The following PANK3 variants were observed in gnomAD, a reference collection of about 807,000 sequenced individuals.
PANK3 encodes pantothenate kinase 3.
Under a neutral mutation model 39.4 loss-of-function variants are expected in PANK3, and 20 were observed. That is an observed-to-expected ratio of 0.51 (90% CI 0.36 to 0.74). The LOEUF (loss-of-function observed/expected upper bound fraction) is 0.74, where lower values mean the gene tolerates loss of function less well. Ranked by LOEUF, PANK3 falls within the 30% of genes least tolerant of loss-of-function variation. PANK3 has a pLI of 0.00. For synonymous variants in PANK3, 140 were observed against 157.3 expected (o/e 0.89, Z 0.82); for missense variants, 265 against 437.0 (o/e 0.61, Z 3.51).
intron 5 of PANK3, chr5:168,561,046 CT>C: frequency 3.0e-6 from 1 of 335,994 alleles, no homozygotes; most frequent in Non-Finnish European, 6.6e-6. Flanking sequence ...GCATAGCTGC[CT>C]TCCAAATGCA....
chr5:168,549,917 T>G lies in PANK3; in HGVS notation c.*7654A>C, dbSNP rs1431954990. Reference sequence around the variant, plus strand: ...GGTGTGTGCCAACAAGCCTGGCTATTTTTTGTATTTTTAGTAGAGACATGG... The same window carrying G: ...GGTGTGTGCCAACAAGCCTGGCTATGTTTTGTATTTTTAGTAGAGACATGG... On this transcript the variant is annotated 3_prime_UTR_variant, in exon 7 of 7. Coordinates refer to ENST00000239231, the MANE Select transcript of PANK3 (RefSeq NM_024594.4). 2.6e-5 allele frequency: 4 copies of G among 152,162 alleles called. No homozygotes were observed. The highest frequency in any genetic ancestry group is 9.7e-5 in the African/African-American group (4 of 41,416). The allele number at this position is 152,162 out of a possible 1,614,324, so 9.4% of individuals were successfully genotyped here.
rs1050212128 is a variant in PANK3, at chr5:168,550,544, T to C, written c.*7027A>G. 5 of 152,210 alleles carry C rather than the reference T, an allele frequency of 3.3e-5. No individual in the cohort carries two copies. The highest frequency in any genetic ancestry group is 9.6e-5 in the African/African-American group (4 of 41,462). 9.4% of individuals were successfully genotyped at this position (152,210 alleles called of 1,614,324 possible). A position where few individuals can be genotyped will look rare whatever the true frequency, so the allele number is the denominator to read the frequency against. On this transcript the variant is annotated 3_prime_UTR_variant, in exon 7 of 7. Transcript: ENST00000239231. The stretch of plus-strand genomic sequence containing the variant: ...TTTAATATACATATAAAACCTTTCA[T>C]ATTACTTTAAGGTATATCTACCTGG...
rs1032117473 is a variant in PANK3, at chr5:168,554,908, T to G, written c.*2663A>C. ...TTTCATCACTGTACTTTGGTTAATG[T>G]GAACTATGATTCATATATTTTATCC... On this transcript the variant is annotated 3_prime_UTR_variant, in exon 7 of 7. Coordinates refer to ENST00000239231, the MANE Select transcript of PANK3 (RefSeq NM_024594.4). 2.6e-5 allele frequency: 4 copies of G among 152,226 alleles called. No individual in the cohort carries two copies. Among genetic ancestry groups the G allele is most frequent in the African/African-American group, 7.2e-5 (3 of 41,460 alleles). The allele number at this position is 152,226 out of a possible 1,614,324, so 9.4% of individuals were successfully genotyped here.
At chr5:168,578,635 A>G (rs149168126) in intron 1 of PANK3, 2 of 152,386 alleles carry the variant, frequency 1.3e-5, no homozygotes, top group East Asian at 1.9e-4. Flanking sequence ...GGTATTCACC[A>G]TAATATTAAT....
intron 1 of PANK3, among the ~76,000 whole-genome samples, chr5:168,578,196 C>A (rs188184160): frequency 2.0e-5 from 3 of 152,274 alleles, no homozygotes. Context: ...GGGCTAAGTT[C>A]AATTTCCTCA....
In PANK3 at chr5:168,577,592, G is replaced by T. The variant is rs141780814; in HGVS notation, c.28+1664C>A. Among the ~76,000 whole-genome samples the T allele has an allele frequency of 4.2e-3, 633 of 152,224 alleles. 5 individuals carry two copies. Among genetic ancestry groups the T allele is most frequent in the African/African-American group, 0.015 (605 of 41,526 alleles). On this transcript the variant is annotated intron_variant, in intron 1 of 6. Coordinates refer to ENST00000239231, the MANE Select transcript of PANK3 (RefSeq NM_024594.4). Reference sequence around the variant, plus strand: ...GGCCTCCAGCGATTCTCCCGCCTCGGCCTCTCAAAGTGCTGGGATTTCAGG... The same window carrying T: ...GGCCTCCAGCGATTCTCCCGCCTCGTCCTCTCAAAGTGCTGGGATTTCAGG...
intron 4 of PANK3, among the ~76,000 whole-genome samples, chr5:168,563,426 G>A (rs914019484): frequency 6.6e-6 from 1 of 152,108 alleles, no homozygotes; most frequent in Non-Finnish European, 1.5e-5. Flanking sequence ...TTCATTTACC[G>A]CTGGTGAGAG....
chr5:168,559,322 A>C (rs1341673039), intron 5 of PANK3, among the ~76,000 whole-genome samples, 165 bp from the exon 6 acceptor site: 5 of 152,204 alleles, frequency 3.3e-5, no homozygotes, highest in African/African-American at 1.2e-4. Context: ...TATAATCCTG[A>C]ATATTTAAAA....
At chr5:168,558,484 A>G (rs1001579704) in intron 6 of PANK3, among the ~76,000 whole-genome samples, 5 of 152,194 alleles carry the variant, frequency 3.3e-5, no homozygotes, top group Non-Finnish European at 7.3e-5. Context: ...AGCTTTTAAG[A>G]GCAGAATAAT....
intron 6 of PANK3, among the ~76,000 whole-genome samples, chr5:168,558,194 AGGCTGGAGT>A (rs1389554694): frequency 2.0e-4 from 27 of 137,618 alleles, no homozygotes; most frequent in African/African-American, 7.2e-4. Flanking sequence ...GCTATCACCC[AGGCTGGAGT>A]GGCTGGAGTG....
chr5:168,550,516 C>T lies in PANK3; in HGVS notation c.*7055G>A, dbSNP rs1369414860. 6.6e-6 allele frequency: 1 copy of T among 152,110 alleles called. No individual in the cohort carries two copies. The highest frequency in any genetic ancestry group is 2.4e-5 in the African/African-American group (1 of 41,428). 9.4% of individuals were successfully genotyped at this position (152,110 alleles called of 1,614,324 possible). On this transcript the variant is annotated 3_prime_UTR_variant, in exon 7 of 7. Coordinates refer to ENST00000239231, the MANE Select transcript of PANK3 (RefSeq NM_024594.4). ...ACCTTTACAGATTTAAAAGTACAAA[C>T]ATTTTAATATACATATAAAACCTTT...
In PANK3 at chr5:168,561,369, G is replaced by A. The variant is rs185132241; in HGVS notation, c.936+24C>T. Reference sequence around the variant, plus strand: ...CCAATTCACATTTTTGATAATTCAAGTTTTGTGTTTTTTGTTTTTTTACCT... The same window carrying A: ...CCAATTCACATTTTTGATAATTCAAATTTTGTGTTTTTTGTTTTTTTACCT... On this transcript the variant is annotated intron_variant, in intron 5 of 6. Coordinates refer to ENST00000239231, the MANE Select transcript of PANK3 (RefSeq NM_024594.4). 4,845 of 1,558,620 alleles carry A rather than the reference G, an allele frequency of 3.1e-3. 17 individuals are homozygous for A. Among genetic ancestry groups the A allele is most frequent in the Non-Finnish European group, 3.8e-3 (4,346 of 1,157,300 alleles).
intron 3 of PANK3, among the ~76,000 whole-genome samples, chr5:168,564,727 T>C (rs768623284): frequency 2.4e-4 from 37 of 152,198 alleles, no homozygotes; most frequent in Non-Finnish European, 4.9e-4. Context: ...TGAACTACCA[T>C]GCCCATCTTT....
intron 1 of PANK3, among the ~76,000 whole-genome samples, chr5:168,570,783 G>T (rs1759617226): frequency 6.6e-6 from 1 of 152,210 alleles, no homozygotes; most frequent in African/African-American, 2.4e-5. Flanking sequence ...GACGTTCTAA[G>T]TAAGAGAGTG....
chr5:168,561,503 T>C lies in PANK3; in HGVS notation c.826A>G (p.Ile276Val). Residue 276 changes from isoleucine (I) to valine (V), a missense_variant, in exon 5 of 7, where the codon ATT becomes GTT. This residue lies in a region of PANK3 where 110 missense variants were observed against 161.2 expected (regional missense o/e 0.68). Coordinates refer to ENST00000239231, the MANE Select transcript of PANK3 (RefSeq NM_024594.4). ...ACAGATTCTCGCTTCTCCTTATAAA[T>C]CATATTCCCAAAACTGCAGAAAAAT... ...WAVASSFGNMIYKEKRESVSK... is the reference protein window; with the variant it reads ...WAVASSFGNMVYKEKRESVSK... The C allele has an allele frequency of 1.3e-6, 2 of 1,582,104 alleles. No individual in the cohort carries two copies. The highest frequency in any genetic ancestry group is 1.7e-6 in the Non-Finnish European group (2 of 1,166,240).
rs537678364 is a variant in PANK3 at position 168,552,857 on chromosome 5, T to C, written c.*4714A>G. On this transcript the variant is annotated 3_prime_UTR_variant, in exon 7 of 7. Transcript: ENST00000239231. ...ACACCTGCATCCTTGAAGATTCTCA[T>C]TGAGTAATAGAAGACAACATTGATT... 41 of 188,972 alleles carry C rather than the reference T, an allele frequency of 2.2e-4. 1 individual carries two copies. The highest frequency in any genetic ancestry group is 3.8e-4 in the South Asian group (3 of 7,956). The allele number at this position is 188,972 out of a possible 1,614,324, so 11.7% of individuals were successfully genotyped here.
At chr5:168,562,737 C>T (rs139722029) in intron 4 of PANK3, among the ~76,000 whole-genome samples, 2 of 152,262 alleles carry the variant, frequency 1.3e-5, no homozygotes, top group Admixed American at 6.5e-5. Context: ...AACAGCAAGA[C>T]TTACTATAAA....
chr5:168,565,971 A>G (rs1261858482), intron 3 of PANK3, 42 bp downstream of exon 3: 1 of 1,571,970 alleles, frequency 6.4e-7, no homozygotes, highest in East Asian at 2.3e-5. Context: ...TTCTGTGTAT[A>G]AAACAATGTG....
Position 168,552,534 on chromosome 5 carries a change from G to A in PANK3, c.*5037C>T, listed in dbSNP as rs1759288058. 1 of 192,628 alleles carries A rather than the reference G, an allele frequency of 5.2e-6. No individual in the cohort carries two copies. The highest frequency in any genetic ancestry group is 1.3e-4 in the South Asian group (1 of 7,826). 11.9% of individuals were successfully genotyped at this position (192,628 alleles called of 1,614,324 possible). ...CTAGAAAGTTGGAGGTCCAGTTGGA[G>A]CAACCAGCCACTGCTATTGCAAACT... is the stretch of plus-strand genomic sequence containing the variant. On this transcript the variant is annotated 3_prime_UTR_variant, in exon 7 of 7. Transcript: ENST00000239231.
Sources: gnomAD v4.1 joint callset for allele counts (sites outside exome capture counted in the v4.1 genomes callset) on GRCh38, gnomAD v4.1.1 for gene constraint, gnomAD v4.1.1 regional missense constraint, MANE v1.5 for transcripts, NCBI Gene and HGNC (gene_info 2026-07-23, HGNC 2026-07-21) for gene names.